The following FBXL5 variants were observed in gnomAD, a reference collection of about 807,000 sequenced individuals.
The protein encoded by FBXL5 is F-box and leucine rich repeat protein 5.
A neutral mutation model predicts 78.3 loss-of-function variants in FBXL5; 26 were observed. The ratio of observed to expected loss-of-function variants is 0.33; its 90% CI spans 0.24 to 0.46. FBXL5 has a LOEUF of 0.46. Ranked by LOEUF, FBXL5 falls within the 20% of genes least tolerant of loss-of-function variation. The probability of loss-of-function intolerance (pLI) is 1.00; values close to 1 mark genes in which losing one functional copy is unlikely to be tolerated. For synonymous variants in FBXL5, 295 were observed against 282.5 expected, an observed-to-expected ratio of 1.04 and a Z score of -0.45; for missense variants, 710 against 829.2, an observed-to-expected ratio of 0.86 and a Z score of 1.77.
At chr4:15,639,602 T>C (rs1449388863) in intron 3 of FBXL5, among the ~76,000 whole-genome samples, 1 of 152,248 alleles carries the variant, frequency 6.6e-6, no homozygotes, top group Non-Finnish European at 1.5e-5. Flanking sequence ...AAGGCTTTTT[T>C]TGTTTTGTTT....
intron 9 of FBXL5, among the ~76,000 whole-genome samples, chr4:15,623,799 T>C (rs1165646840): frequency 2.6e-5 from 4 of 151,978 alleles, no homozygotes; most frequent in African/African-American, 9.7e-5. Context: ...GGTTACTGTA[T>C]ATGACTTATG....
In FBXL5 at chr4:15,625,358, T is replaced by C. The variant is rs766740133; in HGVS notation, c.1744A>G (p.Lys582Glu). 8 of 1,614,098 alleles carry C rather than the reference T, an allele frequency of 5.0e-6. No individual in the cohort carries two copies. The African/African-American group carries it at 5.3e-5, about 11-fold the overall frequency. The change falls in exon 9 of 11, where the codon AAA becomes GAA. Residue 582 changes from lysine to glutamate, a missense_variant. Transcript: ENST00000341285. Reference sequence around the variant, plus strand: ...TCACTCCCAAAGTAAATTAAGTCTTTTCCCCTAGGCAATCTAGTCCTTGCT... The same window carrying C: ...TCACTCCCAAAGTAAATTAAGTCTTCTCCCCTAGGCAATCTAGTCCTTGCT... Reference protein sequence around the residue: ...KAARTRLPRGKDLIYFGSEKS... With the variant: ...KAARTRLPRGEDLIYFGSEKS...
In FBXL5 at chr4:15,644,782, T is replaced by C; in HGVS notation, c.85-74A>G. The C allele has an allele frequency of 2.8e-6, 3 of 1,068,870 alleles. No homozygotes were observed. The South Asian group carries it at 4.6e-5, about 16-fold the overall frequency. The allele number at this position is 1,068,870 out of a possible 1,614,324, so 66.2% of individuals were successfully genotyped here. On this transcript the variant is annotated intron_variant, in intron 1 of 10. Transcript: ENST00000341285. Reference sequence around the variant, plus strand: ...CACAAATAAAAAATATTCAAATACATCCCTATTCACTTTTGCACACAGCAT... The same window carrying C: ...CACAAATAAAAAATATTCAAATACACCCCTATTCACTTTTGCACACAGCAT...
chr4:15,649,336 T>C (rs1299663062), intron 1 of FBXL5, among the ~76,000 whole-genome samples: 1 of 151,900 alleles, frequency 6.6e-6, no homozygotes, highest in Non-Finnish European at 1.5e-5. Flanking sequence ...TCCCAGCACT[T>C]TGGGAGGCCG....
chr4:15,608,410 C>G, intron 10 of FBXL5, among the ~76,000 whole-genome samples: 1 of 151,884 alleles, frequency 6.6e-6, no homozygotes, highest in Non-Finnish European at 1.5e-5. Context: ...CATTATGCTC[C>G]TGAAGTCTAA....
chr4:15,655,128 A>C (rs1447485004), intron 1 of FBXL5, 76 bp downstream of exon 1: 8 of 1,184,948 alleles, frequency 6.8e-6, no homozygotes, highest in African/African-American at 1.6e-5. Context: ...GGCGCAGGCC[A>C]GGCCGCCCCA....
At chr4:15,645,305 T>G (rs527268339) in intron 1 of FBXL5, among the ~76,000 whole-genome samples, 3 of 152,174 alleles carry the variant, frequency 2.0e-5, no homozygotes, top group Non-Finnish European at 4.4e-5. Flanking sequence ...CTATCTTCTA[T>G]AAAAAGTAGT....
chr4:15,619,330 G>A (rs1241637422), intron 9 of FBXL5, among the ~76,000 whole-genome samples: 3 of 152,088 alleles, frequency 2.0e-5, no homozygotes, highest in African/African-American at 7.2e-5. Flanking sequence ...GAGTTCAGTA[G>A]CATATTAAAA....
intron 1 of FBXL5, among the ~76,000 whole-genome samples, chr4:15,676,720 G>A (rs1718008279): frequency 6.6e-6 from 1 of 152,024 alleles, no homozygotes; most frequent in South Asian, 2.1e-4. Flanking sequence ...CTTGATAATG[G>A]TTGAAACTAG....
At chr4:15,668,730 C>G (rs983625511) in intron 1 of FBXL5, among the ~76,000 whole-genome samples, 1 of 152,164 alleles carries the variant, frequency 6.6e-6, no homozygotes, top group African/African-American at 2.4e-5. Flanking sequence ...AAAATACATT[C>G]AAGTTCCCAG....
At chr4:15,656,274 C>T (rs1014883664), upstream of FBXL5, 2 of 456,122 alleles carry the variant, frequency 4.4e-6, no homozygotes, top group African/African-American at 4.0e-5. Context: ...TGGCCCTGGC[C>T]ACAGACCTCC....
intron 1 of FBXL5, among the ~76,000 whole-genome samples, chr4:15,670,434 A>G (rs1717711955): frequency 1.3e-5 from 2 of 152,232 alleles, no homozygotes; most frequent in South Asian, 4.1e-4. Context: ...CAGAGATTCC[A>G]GCTTTAATTG....
intron 6 of FBXL5, among the ~76,000 whole-genome samples, chr4:15,629,000 G>A (rs574842858): frequency 3.0e-4 from 45 of 152,052 alleles, no homozygotes; most frequent in African/African-American, 1.0e-3. Context: ...TATGGAACCT[G>A]TATACAATGT....
chr4:15,652,912 T>A (rs1205762543), intron 1 of FBXL5, among the ~76,000 whole-genome samples: 1 of 152,184 alleles, frequency 6.6e-6, no homozygotes, highest in Admixed American at 6.5e-5. Context: ...CCTTGGTCTA[T>A]ACAACCAAAG....
chr4:15,658,706 A>T (rs1717145598), upstream of FBXL5, among the ~76,000 whole-genome samples: 1 of 152,216 alleles, frequency 6.6e-6, no homozygotes, highest in Admixed American at 6.5e-5. Flanking sequence ...TTTTCTTTAT[A>T]AATTACCCAG....
intron 9 of FBXL5, among the ~76,000 whole-genome samples, chr4:15,615,480 C>T (rs1390100033): frequency 8.0e-5 from 12 of 150,088 alleles, no homozygotes; most frequent in Admixed American, 2.7e-4. Context: ...GTGCACCAGT[C>T]GACACTCTGT....
intron 5 of FBXL5, among the ~76,000 whole-genome samples, chr4:15,632,750 G>A (rs943889222): frequency 3.3e-5 from 5 of 152,158 alleles, no homozygotes; most frequent in African/African-American, 1.2e-4. Context: ...TTTGCACATT[G>A]ATTTTGTATC....
chr4:15,659,787 C>G (rs1717218525), upstream of FBXL5: 1 of 967,150 alleles, frequency 1.0e-6, no homozygotes, highest in Non-Finnish European at 1.2e-6. Context: ...TGATTTTCAA[C>G]CAGAGGCTCT....
At chr4:15,643,956 T>C (rs1213606014) in intron 2 of FBXL5, among the ~76,000 whole-genome samples, 1 of 152,218 alleles carries the variant, frequency 6.6e-6, no homozygotes, top group African/African-American at 2.4e-5. Flanking sequence ...TGATGAAGAC[T>C]CTCACCAAAC....
Sources: gnomAD v4.1 joint callset for allele counts (sites outside exome capture counted in the v4.1 genomes callset) on GRCh38, gnomAD v4.1.1 for gene constraint, MANE v1.5 for transcripts, NCBI Gene and HGNC (gene_info 2026-07-23, HGNC 2026-07-21) for gene names.